The following ST18 variants were observed in gnomAD, a reference collection of about 807,000 sequenced individuals.
ST18 encodes ST18 C2H2C-type zinc finger transcription factor.
Under a neutral mutation model 110.0 loss-of-function variants are expected in ST18, and 50 were observed. The ratio of observed to expected loss-of-function variants is 0.45; its 90% CI spans 0.36 to 0.58. ST18 has a LOEUF of 0.58. Ranked by LOEUF, ST18 falls within the 20% of genes least tolerant of loss-of-function variation. The pLI is 0.00. For missense variants in ST18, 1,306 were observed against 1,280.1 expected (o/e 1.02, Z -0.31); for synonymous variants, 461 against 452.4 (o/e 1.02, Z -0.24).
intron 2 of ST18, chr8:52,406,547 A>T (rs1365502174): frequency 6.6e-6 from 1 of 152,204 alleles, no homozygotes; most frequent in South Asian, 2.1e-4. Flanking sequence ...AGTTAAACAG[A>T]ACCCCGAACA....
intron 2 of ST18, among the ~76,000 whole-genome samples, chr8:52,249,815 T>C (rs1244199435): frequency 6.6e-6 from 1 of 152,132 alleles, no homozygotes; most frequent in Non-Finnish European, 1.5e-5. Flanking sequence ...TTTGCACTGG[T>C]GACCTTAATT....
chr8:52,131,886 C>T, intron 22 of ST18, 72 bp downstream of exon 22: 12 of 1,487,316 alleles, frequency 8.1e-6, no homozygotes, highest in Non-Finnish European at 1.1e-5. Context: ...TTGTTCACAA[C>T]CCTCTCCCCA....
intron 2 of ST18, among the ~76,000 whole-genome samples, chr8:52,268,597 C>T (rs1009686535): frequency 4.0e-5 from 6 of 151,810 alleles, no homozygotes; most frequent in Non-Finnish European, 5.9e-5. Flanking sequence ...ATATTGTTTG[C>T]TTAGAAAGAA....
intron 2 of ST18, among the ~76,000 whole-genome samples, chr8:52,268,037 C>T (rs1248941960): frequency 6.6e-6 from 1 of 152,158 alleles, no homozygotes; most frequent in East Asian, 1.9e-4. Context: ...TTTGTTTACC[C>T]TCATCAGCAA....
intron 14 of ST18, 36 bp downstream of exon 14, chr8:52,161,339 C>T (rs2061410101): frequency 5.6e-6 from 9 of 1,597,804 alleles, no homozygotes; most frequent in Non-Finnish European, 7.7e-6. Flanking sequence ...ACACAAGAAG[C>T]ATTTTGGGGA....
At chr8:52,125,517 G>T (rs1378806284) in intron 23 of ST18, among the ~76,000 whole-genome samples, 3 of 151,978 alleles carry the variant, frequency 2.0e-5, no homozygotes, top group Admixed American at 1.3e-4. Flanking sequence ...AGGGCCTCTC[G>T]CAGTTGTCCA....
chr8:52,342,906 T>G (rs952823821), intron 2 of ST18, among the ~76,000 whole-genome samples: 39 of 152,230 alleles, frequency 2.6e-4, no homozygotes, highest in African/African-American at 8.7e-4. Flanking sequence ...TTTGTAAGTG[T>G]CATACAAAAG....
At chr8:52,130,245 A>C (rs1436986532) in intron 22 of ST18, among the ~76,000 whole-genome samples, 1 of 152,184 alleles carries the variant, frequency 6.6e-6, no homozygotes, top group African/African-American at 2.4e-5. Context: ...GTTATTATGA[A>C]ATACATAATA....
At chr8:52,393,882 CAA>C (rs36094545) in intron 2 of ST18, 7,513 of 68,844 alleles carry the variant, frequency 0.11, 295 homozygotes, top group African/African-American at 0.19. Context: ...AACTCCATCT[CAA>C]AAAAAAAAAA....
intron 2 of ST18, among the ~76,000 whole-genome samples, chr8:52,281,256 G>A (rs1456435134): frequency 1.3e-5 from 2 of 152,036 alleles, no homozygotes; most frequent in Non-Finnish European, 2.9e-5. Flanking sequence ...GAGTTAAACA[G>A]CCAGTTTAAG....
intron 2 of ST18, among the ~76,000 whole-genome samples, chr8:52,269,476 A>C (rs2094996335): frequency 6.6e-6 from 1 of 152,178 alleles, no homozygotes; most frequent in Non-Finnish European, 1.5e-5. Context: ...CATTCCTGAG[A>C]CAATACTAGC....
intron 2 of ST18, chr8:52,301,712 G>A (rs2095725189): frequency 1.3e-5 from 2 of 152,188 alleles, no homozygotes; most frequent in Non-Finnish European, 2.9e-5. Flanking sequence ...ATACTAGAAA[G>A]TCAGTAGAAA....
chr8:52,387,495 C>T (rs1837292663), intron 2 of ST18, among the ~76,000 whole-genome samples: 1 of 152,052 alleles, frequency 6.6e-6, no homozygotes, highest in South Asian at 2.1e-4. Flanking sequence ...AACTGTTTGT[C>T]TCTGCTTGAC....
chr8:52,174,412 T>C (rs1032155409), intron 9 of ST18, among the ~76,000 whole-genome samples: 2 of 152,242 alleles, frequency 1.3e-5, no homozygotes, highest in African/African-American at 4.8e-5. Context: ...CATTGAACTA[T>C]TCTCTCACTC....
chr8:52,308,236 G>A (rs1232724645), intron 2 of ST18, among the ~76,000 whole-genome samples: 1 of 152,128 alleles, frequency 6.6e-6, no homozygotes, highest in Non-Finnish European at 1.5e-5. Flanking sequence ...AAACCACATC[G>A]GCTGTGAGCA....
Position 52,192,948 on chromosome 8 carries a change from G to A in ST18, c.87-12636C>T, listed in dbSNP as rs556987392. Among the ~76,000 whole-genome samples the A allele has an allele frequency of 3.0e-4, 45 of 152,266 alleles. No individual in the cohort carries two copies. In the South Asian group the frequency reaches 9.1e-3, roughly 31 times the overall value. On this transcript the variant is annotated intron_variant, in intron 8 of 25. Coordinates refer to ENST00000689386, the MANE Select transcript of ST18 (RefSeq NM_001352837.2). ...CAGGAGTCACTGACCCTGGTCACTGGAAGTTGTAGGGCTGGGGGCTTATTA... is the reference window on the plus strand; with the variant it reads ...CAGGAGTCACTGACCCTGGTCACTGAAAGTTGTAGGGCTGGGGGCTTATTA...
At chr8:52,363,276 A>AT (rs1450993904) in intron 2 of ST18, among the ~76,000 whole-genome samples, 2 of 152,176 alleles carry the variant, frequency 1.3e-5, no homozygotes, top group South Asian at 2.1e-4. Context: ...ACATTCTGCC[A>AT]TTTTTTGCTT....
chr8:52,286,899 G>A (rs2095479563), intron 2 of ST18, among the ~76,000 whole-genome samples: 1 of 151,924 alleles, frequency 6.6e-6, no homozygotes, highest in African/African-American at 2.4e-5. Context: ...CTGTGGCTTG[G>A]AAGTCTGTGA....
intron 2 of ST18, among the ~76,000 whole-genome samples, chr8:52,311,284 A>C (rs1460524836): frequency 1.3e-5 from 2 of 152,136 alleles, no homozygotes; most frequent in Non-Finnish European, 2.9e-5. Flanking sequence ...CTATCTTGTT[A>C]TGTTATCTCC....
Sources: allele counts gnomAD v4.1 joint callset (sites outside exome capture counted in the v4.1 genomes callset), GRCh38; gene constraint gnomAD v4.1.1; transcripts MANE v1.5; gene names NCBI Gene and HGNC (gene_info 2026-07-23, HGNC 2026-07-21).